OPCML: variants seen among roughly 807,000 people sequenced by gnomAD.
OPCML encodes opioid binding protein/cell adhesion molecule like, also known as opioid-binding protein/cell adhesion molecule.
Under a neutral mutation model 37.8 loss-of-function variants are expected in OPCML, and 13 were observed. That is an observed-to-expected ratio of 0.34 (90% CI 0.22 to 0.55). The LOEUF is 0.55. OPCML is among the 20% of genes least tolerant of loss of function. The probability of loss-of-function intolerance (pLI) is 0.91; values close to 1 mark genes in which losing one functional copy is unlikely to be tolerated. For synonymous variants in OPCML, 176 were observed against 168.8 expected (o/e 1.04, Z -0.33); for missense variants, 341 against 435.6 (o/e 0.78, Z 1.93).
rs985071570 is a variant in OPCML at position 133,223,024 on chromosome 11, G to A, written c.62-280014C>T. 8.5e-5 allele frequency among the ~76,000 whole-genome samples: 13 copies of A among 152,216 alleles called. 1 individual carries two copies. Among genetic ancestry groups the A allele is most frequent in the Admixed American group, 7.8e-4 (12 of 15,288 alleles). ...CCTCCTTAGAACTACAACCATGGGT[G>A]CAAGAAGCAGAATCTACCAAGACGT... On this transcript the variant is annotated intron_variant, in intron 1 of 7. Transcript: ENST00000524381.
chr11:132,967,230 A>T (rs1029310499), intron 1 of OPCML, among the ~76,000 whole-genome samples: 7 of 152,078 alleles, frequency 4.6e-5, no homozygotes, highest in African/African-American at 1.4e-4. Flanking sequence ...AACTTATCAG[A>T]ATCTACTTCA....
At chr11:133,260,652 C>A (rs555868392) in intron 1 of OPCML, among the ~76,000 whole-genome samples, 1 of 152,034 alleles carries the variant, frequency 6.6e-6, no homozygotes, top group Admixed American at 6.5e-5. Flanking sequence ...AACCTCAAGG[C>A]CCAGGCAGAA....
chr11:132,535,469 G>C (rs1003946377), intron 3 of OPCML, among the ~76,000 whole-genome samples: 4 of 152,302 alleles, frequency 2.6e-5, no homozygotes, highest in African/African-American at 9.6e-5. Context: ...AGAGGTGGCT[G>C]CTGCTGCTCC....
intron 1 of OPCML, among the ~76,000 whole-genome samples, chr11:133,076,902 T>A (rs1400548373): frequency 1.3e-5 from 2 of 152,218 alleles, no homozygotes; most frequent in African/African-American, 4.8e-5. Context: ...GACAAAAAGA[T>A]TGCAGTTGAT....
chr11:132,658,926 T>C (rs1028362406), intron 2 of OPCML, among the ~76,000 whole-genome samples: 2 of 152,184 alleles, frequency 1.3e-5, no homozygotes, highest in African/African-American at 2.4e-5. Flanking sequence ...AATCATACTC[T>C]AACATTCCAA....
intron 3 of OPCML, among the ~76,000 whole-genome samples, chr11:132,588,799 G>A (rs913193502): frequency 3.9e-5 from 6 of 152,170 alleles, no homozygotes; most frequent in Non-Finnish European, 7.4e-5. Context: ...CAGGTTGTGC[G>A]TCAGCTTCTC....
chr11:132,924,656 G>T (rs530308698), intron 2 of OPCML, among the ~76,000 whole-genome samples: 4 of 152,142 alleles, frequency 2.6e-5, no homozygotes, highest in African/African-American at 9.6e-5. Flanking sequence ...GTTTTTCCCC[G>T]CTAGTATCTT....
At chr11:132,508,561 C>T (rs1392290289) in intron 4 of OPCML, among the ~76,000 whole-genome samples, 1 of 152,100 alleles carries the variant, frequency 6.6e-6, no homozygotes, top group Non-Finnish European at 1.5e-5. Flanking sequence ...ATTGTATCTC[C>T]CAGAATTCCC....
At chr11:133,387,611 C>T (rs1456104615) in intron 1 of OPCML, among the ~76,000 whole-genome samples, 2 of 152,194 alleles carry the variant, frequency 1.3e-5, no homozygotes, top group East Asian at 3.9e-4. Context: ...TTATTAATTC[C>T]TTCACTCAGT....
In OPCML at chr11:132,516,900, C is replaced by T. The variant is rs563864068; in HGVS notation, c.505+12161G>A. On this transcript the variant is annotated intron_variant, in intron 4 of 7. Coordinates refer to ENST00000524381, the MANE Select transcript of OPCML (RefSeq NM_001012393.5). ...GACTGACTCTAGCTGATTTAGATGT[C>T]GAACCTCTTCTGCTGCCCACCCAGA... Among the ~76,000 whole-genome samples the T allele has an allele frequency of 1.8e-4, 27 of 152,260 alleles. No individual in the cohort carries two copies. The South Asian group carries it at 2.1e-3, about 12-fold the overall frequency.
chr11:133,079,194 T>C (rs1326894866), intron 1 of OPCML, among the ~76,000 whole-genome samples: 1 of 152,212 alleles, frequency 6.6e-6, no homozygotes, highest in Admixed American at 6.5e-5. Context: ...GCTTGTACTT[T>C]TGATACGCAT....
intron 1 of OPCML, among the ~76,000 whole-genome samples, chr11:133,084,199 GAACA>G (rs566367442): frequency 8.5e-4 from 129 of 152,018 alleles, no homozygotes; most frequent in Middle Eastern, 3.2e-3. Flanking sequence ...GCTCCTCCAG[GAACA>G]AACAACTAGT....
At chr11:133,343,307 C>A (rs1943919362) in intron 1 of OPCML, among the ~76,000 whole-genome samples, 1 of 152,190 alleles carries the variant, frequency 6.6e-6, no homozygotes, top group African/African-American at 2.4e-5. Flanking sequence ...GGGCCTACGT[C>A]ACTCTTTAAC....
intron 1 of OPCML, among the ~76,000 whole-genome samples, chr11:133,321,568 T>G (rs1943330678): frequency 6.6e-6 from 1 of 152,132 alleles, no homozygotes; most frequent in African/African-American, 2.4e-5. Context: ...GAAAAGACAT[T>G]TTCACAGGAT....
At chr11:133,003,877 C>T (rs1326322729) in intron 1 of OPCML, 17 of 985,270 alleles carry the variant, frequency 1.7e-5, no homozygotes, top group Non-Finnish European at 2.0e-5. Flanking sequence ...CCCTCGACCC[C>T]TTTTGACAGT....
chr11:132,420,969 T>A (rs2095956518), intron 7 of OPCML, among the ~76,000 whole-genome samples: 1 of 142,620 alleles, frequency 7.0e-6, no homozygotes, highest in Non-Finnish European at 1.5e-5. Flanking sequence ...GGGCTCTCCC[T>A]TGATTTTTTT....
At chr11:133,041,061 T>C (rs1444003748) in intron 1 of OPCML, among the ~76,000 whole-genome samples, 1 of 152,160 alleles carries the variant, frequency 6.6e-6, no homozygotes, top group African/African-American at 2.4e-5. Context: ...GATTAACTAT[T>C]TTGGAGAGTT....
chr11:132,734,638 A>T (rs549952728), intron 2 of OPCML, among the ~76,000 whole-genome samples: 1 of 152,276 alleles, frequency 6.6e-6, no homozygotes, highest in African/African-American at 2.4e-5. Flanking sequence ...TGGCCCACAA[A>T]ACTTGTAGGA....
chr11:133,364,098 A>G (rs920741855), intron 1 of OPCML, among the ~76,000 whole-genome samples: 1 of 152,144 alleles, frequency 6.6e-6, no homozygotes, highest in Admixed American at 6.5e-5. Flanking sequence ...CCCCTTTTCT[A>G]AAATGTTGTT....
Sources: allele counts gnomAD v4.1 joint callset (sites outside exome capture counted in the v4.1 genomes callset), GRCh38; gene constraint gnomAD v4.1.1; transcripts MANE v1.5; gene names NCBI Gene and HGNC (gene_info 2026-07-23, HGNC 2026-07-21).